Variants in CTNNAL1 observed in about 807,000 individuals in gnomAD.
CTNNAL1 encodes catenin alpha like 1.
In CTNNAL1, 69 loss-of-function variants were observed where a neutral mutation model predicts 93.6. The ratio of observed to expected loss-of-function variants is 0.74; its 90% CI spans 0.61 to 0.90. The LOEUF (loss-of-function observed/expected upper bound fraction) is 0.90. CTNNAL1 is among the 40% of genes least tolerant of loss of function. CTNNAL1 has a pLI of 0.00. For synonymous variants in CTNNAL1, 286 were observed against 305.4 expected (o/e 0.94, Z 0.66); for missense variants, 836 against 862.0 (o/e 0.97, Z 0.38).
intron 15 of CTNNAL1, 67 bp downstream of exon 15, chr9:108,948,119 G>A (rs1322496686): frequency 1.3e-6 from 2 of 1,523,038 alleles, no homozygotes; most frequent in East Asian, 4.5e-5. Flanking sequence ...AAATCATCTG[G>A]AAAACATTTA....
intron 1 of CTNNAL1, among the ~76,000 whole-genome samples, chr9:109,007,076 A>T (rs1184741622): frequency 6.6e-6 from 1 of 151,910 alleles, no homozygotes; most frequent in Non-Finnish European, 1.5e-5. Context: ...ACAAACAAAA[A>T]ATTAGCCGGG....
At chr9:108,967,195 A>T (rs1017563291) in intron 10 of CTNNAL1, among the ~76,000 whole-genome samples, 1 of 152,224 alleles carries the variant, frequency 6.6e-6, no homozygotes, top group South Asian at 2.1e-4. Flanking sequence ...GTGATAAAAA[A>T]AGAAGATAAA....
intron 11 of CTNNAL1, 35 bp downstream of exon 11, chr9:108,965,340 AAAT>A: frequency 7.5e-7 from 1 of 1,337,608 alleles, no homozygotes; most frequent in South Asian, 2.4e-5. Context: ...AGTTACATTA[AAAT>A]AATAACATAT....
At chr9:108,971,419 C>T (rs1428050993) in intron 9 of CTNNAL1, among the ~76,000 whole-genome samples, 1 of 152,158 alleles carries the variant, frequency 6.6e-6, no homozygotes, top group Non-Finnish European at 1.5e-5. Context: ...TGGCTGTGTC[C>T]CTACCCAAAT....
chr9:108,943,444 G>C (rs1190751866), intron 17 of CTNNAL1, among the ~76,000 whole-genome samples: 5 of 152,186 alleles, frequency 3.3e-5, no homozygotes, highest in African/African-American at 4.8e-5. Context: ...TGTCCTAGTT[G>C]CAGAGGTAAT....
At chr9:108,945,901 G>C (rs1415676413) in intron 15 of CTNNAL1, among the ~76,000 whole-genome samples, 1 of 152,142 alleles carries the variant, frequency 6.6e-6, no homozygotes, top group Non-Finnish European at 1.5e-5. Context: ...AAAACAAAAT[G>C]CTCGATTTCC....
rs200360835 is a variant in CTNNAL1, at chr9:108,990,809, T to C, written c.556A>G (p.Ser186Gly). The C allele has an allele frequency of 1.5e-4, 236 of 1,613,456 alleles. No homozygotes were observed. The highest frequency in any genetic ancestry group is 1.7e-4 in the Non-Finnish European group (204 of 1,179,858). ...AATATTTGGACAAACTCTTGAAAGC[T>C]ATTCACTTTCTCTAGTCTTTCCATA... is the stretch of plus-strand genomic sequence containing the variant. ...ATMERLEKVNSFQEFVQIFSQ... is the reference protein window; with the variant it reads ...ATMERLEKVNGFQEFVQIFSQ... The change falls in exon 4 of 19, where the codon AGC (serine) becomes GGC (glycine). Residue 186 changes from serine (S) to glycine (G), a missense_variant. Physicochemically the swap from Ser to Gly is moderately conservative, Grantham distance 56 (BLOSUM62 0). Coordinates refer to ENST00000325551, the MANE Select transcript of CTNNAL1 (RefSeq NM_003798.4).
At chr9:108,987,093 A>T (rs1097965) in intron 4 of CTNNAL1, among the ~76,000 whole-genome samples, 19 of 151,972 alleles carry the variant, frequency 1.3e-4, no homozygotes, top group African/African-American at 4.1e-4. Flanking sequence ...TTAGACATGA[A>T]GTCCTTGCCC....
chr9:108,971,311 G>A (rs1831110875), intron 9 of CTNNAL1, among the ~76,000 whole-genome samples: 1 of 152,140 alleles, frequency 6.6e-6, no homozygotes, highest in African/African-American at 2.4e-5. Flanking sequence ...TAGCTAGATG[G>A]TTCATATCTG....
chr9:108,960,348 C>T (rs1830792297), intron 11 of CTNNAL1, among the ~76,000 whole-genome samples: 1 of 152,110 alleles, frequency 6.6e-6, no homozygotes, highest in African/African-American at 2.4e-5. Flanking sequence ...CTAGTATAGA[C>T]CATCGTCTCT....
chr9:108,985,670 A>G (rs545005042), intron 4 of CTNNAL1, among the ~76,000 whole-genome samples: 1 of 152,196 alleles, frequency 6.6e-6, no homozygotes, highest in South Asian at 2.1e-4. Context: ...ATCATCCATC[A>G]TGGGTACCTA....
chr9:108,954,984 A>G (rs1830656968), intron 12 of CTNNAL1, among the ~76,000 whole-genome samples: 1 of 136,726 alleles, frequency 7.3e-6, no homozygotes, highest in African/African-American at 2.7e-5. Flanking sequence ...TTTTTTTTTG[A>G]GACAGTCTTA....
intron 7 of CTNNAL1, among the ~76,000 whole-genome samples, chr9:108,979,045 T>C (rs962589878): frequency 3.9e-5 from 6 of 152,120 alleles, no homozygotes; most frequent in Non-Finnish European, 7.4e-5. Context: ...GACAGAGGCA[T>C]ATAATTGAGA....
At chr9:108,989,132 A>T (rs1024202234) in intron 4 of CTNNAL1, among the ~76,000 whole-genome samples, 1 of 152,234 alleles carries the variant, frequency 6.6e-6, no homozygotes, top group Non-Finnish European at 1.5e-5. Context: ...AATGTTCTCC[A>T]TGCCAAATTT....
Position 108,943,990 on chromosome 9 carries a change from G to C in CTNNAL1, c.1913C>G (p.Thr638Ser), listed in dbSNP as rs1031600118. ...TTTTGAAAAAGCTTGAACACTGGAA[G>C]TAAGCTTTAAACCCTCTGCAGCAAA... ...EVFAAEGLKLTSSVQAFSKQL... is the reference protein window; with the variant it reads ...EVFAAEGLKLSSSVQAFSKQL... Residue 638 changes from threonine (T) to serine (S), a missense_variant, in exon 16 of 19, where the codon ACT (threonine) becomes AGT (serine). Coordinates refer to ENST00000325551, the MANE Select transcript of CTNNAL1 (RefSeq NM_003798.4). 3.0e-5 allele frequency: 48 copies of C among 1,613,746 alleles called. No homozygotes were observed. The highest frequency in any genetic ancestry group is 3.9e-5 in the Non-Finnish European group (46 of 1,179,878).
intron 1 of CTNNAL1, among the ~76,000 whole-genome samples, chr9:109,011,030 TA>T (rs1390571327): frequency 1.3e-5 from 2 of 152,234 alleles, no homozygotes; most frequent in Non-Finnish European, 2.9e-5. Context: ...TTAAAATGCT[TA>T]AAATATCCTT....
chr9:108,992,948 A>T, intron 2 of CTNNAL1, 129 bp from the exon 3 acceptor site: 2 of 1,015,320 alleles, frequency 2.0e-6, no homozygotes, highest in Non-Finnish European at 2.8e-6. Flanking sequence ...GGAACAAGAA[A>T]CGGTTTCACC....
intron 15 of CTNNAL1, among the ~76,000 whole-genome samples, chr9:108,945,418 T>G (rs1274487820): frequency 7.9e-5 from 12 of 151,992 alleles, no homozygotes; most frequent in Non-Finnish European, 1.6e-4. Flanking sequence ...TTTTAAAATG[T>G]ATTTTGTTTT....
At chr9:108,983,714 C>G (rs1012996665) in intron 5 of CTNNAL1, among the ~76,000 whole-genome samples, 1 of 152,166 alleles carries the variant, frequency 6.6e-6, no homozygotes, top group African/African-American at 2.4e-5. Context: ...ATGAAAAACT[C>G]AAGGGCCTAG....
Sources: gnomAD v4.1 joint callset for allele counts (sites outside exome capture counted in the v4.1 genomes callset) on GRCh38, gnomAD v4.1.1 for gene constraint, MANE v1.5 for transcripts, NCBI Gene and HGNC (gene_info 2026-07-23, HGNC 2026-07-21) for gene names.